Variants in TOR1AIP1 observed in about 807,000 individuals in gnomAD.
The protein encoded by TOR1AIP1 is torsin 1A interacting protein 1.
In TOR1AIP1, 54 loss-of-function variants were observed where a neutral mutation model predicts 63.3. The observed-to-expected ratio is 0.85, with a 90% CI of 0.69 to 1.07. The LOEUF (loss-of-function observed/expected upper bound fraction) is 1.07, where lower values mean the gene tolerates loss of function less well. Ranked by LOEUF, TOR1AIP1 falls within the 50% of genes least tolerant of loss-of-function variation. The probability of loss-of-function intolerance (pLI) is 0.00; values close to 1 mark genes in which losing one functional copy is unlikely to be tolerated. For synonymous variants in TOR1AIP1, 294 were observed against 273.5 expected (o/e 1.07, Z -0.74); for missense variants, 736 against 715.0 (o/e 1.03, Z -0.33).
chr1:179,896,597 C>A (rs1445547068), intron 3 of TOR1AIP1, among the ~76,000 whole-genome samples: 2 of 150,946 alleles, frequency 1.3e-5, no homozygotes, highest in Non-Finnish European at 2.9e-5. Flanking sequence ...GGATCCTAGA[C>A]GAGAAGCACC....
rs1647865689 is a variant in TOR1AIP1 at position 179,884,784 on chromosome 1, CTT to C, written c.553+19_553+20del. ...AGAGGCTCCAGGTAAGAATAGTTAACTTTTTGTTTTTCTCCTTACCTACCAAC... is the reference window on the plus strand; with the variant it reads ...AGAGGCTCCAGGTAAGAATAGTTAACTTTGTTTTTCTCCTTACCTACCAAC... On this transcript the variant is annotated intron_variant, in intron 2 of 9. Transcript: ENST00000606911. 1 of 1,586,870 alleles carries C rather than the reference CTT, an allele frequency of 6.3e-7. No individual in the cohort carries two copies. Among genetic ancestry groups the C allele is most frequent in the East Asian group, 2.3e-5 (1 of 44,416 alleles).
At position 179,917,325 on chromosome 1, in the gene TOR1AIP1, T is replaced by C. The variant is rs1056703449; in HGVS notation, c.965-127T>C. 5.0e-6 allele frequency: 4 copies of C among 798,386 alleles called. No homozygotes were observed. The African/African-American group carries it at 6.9e-5, about 14-fold the overall frequency. The allele number at this position is 798,386 out of a possible 1,614,324, so 49.5% of individuals were successfully genotyped here. On this transcript the variant is annotated intron_variant, in intron 9 of 9. Transcript: ENST00000606911. Reference sequence around the variant, plus strand: ...TTATTTTATTAAGAAAATTATCAGCTTTCTTCTTTAAAGTCCTTCCTCTTT... The same window carrying C: ...TTATTTTATTAAGAAAATTATCAGCCTTCTTCTTTAAAGTCCTTCCTCTTT...
chr1:179,900,189 T>C, intron 4 of TOR1AIP1, 22 bp downstream of exon 4: 2 of 1,494,582 alleles, frequency 1.3e-6, no homozygotes, highest in Non-Finnish European at 9.3e-7. Context: ...GTAAATATCA[T>C]ATAATATATA....
rs760718959 is a variant in TOR1AIP1, at chr1:179,882,629, C to G, written c.127C>G (p.Pro43Ala). 6.5e-7 allele frequency: 1 copy of G among 1,541,596 alleles called. No homozygotes were observed. The highest frequency in any genetic ancestry group is 2.3e-5 in the East Asian group (1 of 44,316). Residue 43 changes from proline to alanine, a missense_variant, in exon 1 of 10, where the codon CCT becomes GCT. Physicochemically the swap from Pro to Ala is conservative, Grantham distance 27 (BLOSUM62 -1). Around this residue, in one of 2 missense-constraint regions of TOR1AIP1, gnomAD observed 464 missense variants for 371.0 expected, o/e 1.25. Transcript: ENST00000606911. ...TCAAAATGGCGGCAGCAGCGATGCG[C>G]CTGCGTACAGAACTCCTCCGTCGCG... ...APQNGGSSDA[P>A]AYRTPPSRQG...
Position 179,908,628 on chromosome 1 carries a change from C to T in TOR1AIP1, c.862C>T (p.Gln288Ter). 1 of 1,613,462 alleles carries T rather than the reference C, an allele frequency of 6.2e-7. No homozygotes were observed. Among genetic ancestry groups the T allele is most frequent in the Non-Finnish European group, 8.5e-7 (1 of 1,179,582 alleles). ...VLSSGYQKTPQEWAPQTARIR... is the reference protein window; with the variant it reads ...VLSSGYQKTP ...AGGCTCAGGATATCAAAAAACTCCC[C>T]AGGAATGGGCCCCACAAACTGCAAG... The change falls in exon 8 of 10, where the codon CAG (glutamine) becomes TAG (stop). Residue 288 changes from glutamine (Q) to a stop codon, truncating the protein, a stop_gained. Coordinates refer to ENST00000606911, the MANE Select transcript of TOR1AIP1 (RefSeq NM_015602.4). LOFTEE classifies it high-confidence loss of function.
At chr1:179,903,538 C>T (rs1320459759) in intron 5 of TOR1AIP1, among the ~76,000 whole-genome samples, 4 of 150,082 alleles carry the variant, frequency 2.7e-5, no homozygotes, top group Admixed American at 6.7e-5. Context: ...GACAGAGTCT[C>T]ACTCTCTTGT....
chr1:179,906,989 G>C (rs1043560980), intron 6 of TOR1AIP1, among the ~76,000 whole-genome samples: 3 of 151,424 alleles, frequency 2.0e-5, no homozygotes, highest in African/African-American at 7.3e-5. Context: ...CACCTGCCTT[G>C]GCCTCCCAAA....
intron 6 of TOR1AIP1, among the ~76,000 whole-genome samples, chr1:179,906,732 T>TC (rs58237159): frequency 0.043 from 4,799 of 112,550 alleles, 151 homozygotes; most frequent in Non-Finnish European, 0.059. Context: ...CAATTTTGGT[T>TC]CCCCCCCCCC....
intron 8 of TOR1AIP1, among the ~76,000 whole-genome samples, chr1:179,910,945 G>T (rs1018335417): frequency 3.9e-5 from 6 of 152,166 alleles, no homozygotes; most frequent in Non-Finnish European, 8.8e-5. Flanking sequence ...TGCAGAAATA[G>T]ATCTTTTTAG....
At chr1:179,915,791 T>C (rs1340666265) in intron 9 of TOR1AIP1, among the ~76,000 whole-genome samples, 2 of 152,090 alleles carry the variant, frequency 1.3e-5, no homozygotes, top group African/African-American at 4.8e-5. Flanking sequence ...AGTACAATAT[T>C]GGGAGTTGTC....
chr1:179,901,337 A>G lies in TOR1AIP1; in HGVS notation c.688A>G (p.Ser230Gly). ...TEEDDQDSSH[S>G]SVTTVKARSR... ...AGAAGATGATCAAGACAGCTCTCAC[A>G]GCAGTGTCACTACTGTTAAGGCCAG... is the stretch of plus-strand genomic sequence containing the variant. The change falls in exon 5 of 10, where the codon AGC (serine) becomes GGC (glycine). Residue 230 changes from serine (S) to glycine (G), a missense_variant. Physicochemically the swap from Ser to Gly is moderately conservative, Grantham distance 56. Coordinates refer to ENST00000606911, the MANE Select transcript of TOR1AIP1 (RefSeq NM_015602.4). 6.2e-7 allele frequency: 1 copy of G among 1,611,576 alleles called. No homozygotes were observed. Among genetic ancestry groups the G allele is most frequent in the South Asian group, 1.1e-5 (1 of 90,628 alleles).
In TOR1AIP1 at chr1:179,918,005, A is replaced by T; in HGVS notation, c.1518A>T (p.Val506=). The change falls in exon 10 of 10, where the codon GTA becomes GTT. Residue 506 remains valine, a synonymous_variant. Coordinates refer to ENST00000606911, the MANE Select transcript of TOR1AIP1 (RefSeq NM_015602.4). ...ATGAAAACGCGGCCTTCAAAGATGT[A>T]GCCTTAGTCCTGACTGTCTTATTGG... ...CDHENAAFKD[V]ALVLTVLLEE... is the part of the protein sequence containing the mutation. 2 of 1,614,242 alleles carry T rather than the reference A, an allele frequency of 1.2e-6. No homozygotes were observed. The highest frequency in any genetic ancestry group is 2.2e-5 in the South Asian group (2 of 91,090).
At chr1:179,891,126 T>C (rs1319470392) in intron 3 of TOR1AIP1, among the ~76,000 whole-genome samples, 2 of 152,238 alleles carry the variant, frequency 1.3e-5, no homozygotes, top group African/African-American at 4.8e-5. Flanking sequence ...TATAAAAACA[T>C]GTAATCAATT....
chr1:179,896,423 C>A (rs1159966956), intron 3 of TOR1AIP1, among the ~76,000 whole-genome samples: 1 of 151,756 alleles, frequency 6.6e-6, no homozygotes, highest in Non-Finnish European at 1.5e-5. Context: ...CATTTTTAAA[C>A]ACCTTCTTTA....
chr1:179,885,913 G>T (rs938720851), intron 2 of TOR1AIP1, among the ~76,000 whole-genome samples: 3 of 151,972 alleles, frequency 2.0e-5, no homozygotes, highest in African/African-American at 7.3e-5. Flanking sequence ...GCTAATTTTT[G>T]TATTTTTAGT....
In TOR1AIP1 at chr1:179,919,502, C is replaced by T. The variant is rs1649127996; in HGVS notation, c.*1263C>T. The T allele has an allele frequency of 6.6e-6, 1 of 152,112 alleles. No individual in the cohort carries two copies. Among genetic ancestry groups the T allele is most frequent in the Admixed American group, 6.6e-5 (1 of 15,266 alleles). 9.4% of individuals were successfully genotyped at this position (152,112 alleles called of 1,614,324 possible). A position where few individuals can be genotyped will look rare whatever the true frequency, so the allele number is the denominator to read the frequency against. On this transcript the variant is annotated 3_prime_UTR_variant, in exon 10 of 10. Transcript: ENST00000606911. ...GCACGTGATACATTTTATGGAGTGC[C>T]TCAAGCCAAGATAGTGAATTTATAT...
At chr1:179,886,667 G>A (rs1367277690) in intron 2 of TOR1AIP1, among the ~76,000 whole-genome samples, 2 of 152,012 alleles carry the variant, frequency 1.3e-5, no homozygotes, top group Non-Finnish European at 2.9e-5. Context: ...AATTGAAAAT[G>A]TTTACCAATA....
At position 179,901,317 on chromosome 1, in the gene TOR1AIP1, A is replaced by G. The variant is rs778625047; in HGVS notation, c.668A>G (p.Asp223Gly). 3 of 1,610,824 alleles carry G rather than the reference A, an allele frequency of 1.9e-6. No individual in the cohort carries two copies. The highest frequency in any genetic ancestry group is 2.7e-5 in the African/African-American group (2 of 74,970). The part of the protein sequence containing the change: ...NFSEEGETEE[D>G]DQDSSHSSVT... ...TTCTCTTTAGGAGAAACTGAAGAAG[A>G]TGATCAAGACAGCTCTCACAGCAGT... is the stretch of plus-strand genomic sequence containing the variant. The change falls in exon 5 of 10, where the codon GAT becomes GGT. Residue 223 changes from aspartate (D) to glycine (G), a missense_variant. Asp to Gly is a moderately conservative substitution (Grantham distance 94). Around this residue, in one of 2 missense-constraint regions of TOR1AIP1, gnomAD observed 464 missense variants for 371.0 expected, o/e 1.25. Transcript: ENST00000606911.
At chr1:179,885,140 CCT>C (rs752130408) in intron 2 of TOR1AIP1, among the ~76,000 whole-genome samples, 1 of 152,134 alleles carries the variant, frequency 6.6e-6, no homozygotes, top group Non-Finnish European at 1.5e-5. Context: ...GTTATACTGC[CCT>C]GTGTTTAAAA....
Sources: gnomAD v4.1 joint callset for allele counts (sites outside exome capture counted in the v4.1 genomes callset) on GRCh38, gnomAD v4.1.1 for gene constraint, gnomAD v4.1.1 regional missense constraint, MANE v1.5 for transcripts, NCBI Gene and HGNC (gene_info 2026-07-23, HGNC 2026-07-21) for gene names.